Variants in BTN2A1 observed in about 807,000 individuals in gnomAD.
BTN2A1 encodes butyrophilin, subfamily 2, member A1.
BTN2A1 carries 41 observed loss-of-function variants against 34.5 expected under a neutral mutation model. The ratio of observed to expected loss-of-function variants is 1.19; its 90% CI spans 0.93 to 1.54. The LOEUF (loss-of-function observed/expected upper bound fraction) is 1.54, where lower values mean the gene tolerates loss of function less well. Ranked by LOEUF, BTN2A1 falls within the 40% of genes most tolerant of loss-of-function variation. The pLI, the probability that BTN2A1 is intolerant of heterozygous loss-of-function variation, is 0.00. For missense variants in BTN2A1, 642 were observed against 662.0 expected, an observed-to-expected ratio of 0.97 and a Z score of 0.33; for synonymous variants, 267 against 258.6, an observed-to-expected ratio of 1.03 and a Z score of -0.31.
At chr6:26,462,313 T>A (rs1339468172) in intron 3 of BTN2A1, among the ~76,000 whole-genome samples, 1 of 152,164 alleles carries the variant, frequency 6.6e-6, no homozygotes, top group Admixed American at 6.5e-5. Flanking sequence ...GGTATGGTTA[T>A]CTTAGTCCCT....
downstream of BTN2A1, among the ~76,000 whole-genome samples, chr6:26,471,906 T>C (rs1449102178): frequency 6.6e-6 from 1 of 152,220 alleles, no homozygotes; most frequent in Non-Finnish European, 1.5e-5. Flanking sequence ...CATACTCAAC[T>C]TTCCTATATG....
rs754175151 is a variant in BTN2A1 at position 26,463,326 on chromosome 6, C to T, written c.513C>T (p.Tyr171=). Residue 171 remains tyrosine (Y), a synonymous_variant, in exon 4 of 8, where the codon TAC becomes TAT. Transcript: ENST00000312541. ...IRLECISRGW[Y]PKPLTVWRDP... ...TGGAGTGCATATCTAGAGGGTGGTA[C>T]CCAAAGCCCCTCACAGTGTGGAGGG... The T allele has an allele frequency of 3.1e-6, 5 of 1,613,762 alleles. No individual in the cohort carries two copies. The African/African-American group carries it at 5.3e-5, about 17-fold the overall frequency.
intron 3 of BTN2A1, 77 bp downstream of exon 3, chr6:26,459,905 A>G (rs944214165): frequency 2.5e-6 from 3 of 1,187,328 alleles, no homozygotes; most frequent in Admixed American, 2.7e-5. Flanking sequence ...CCTCAGGCCC[A>G]TTGCAGACCA....
downstream of BTN2A1, among the ~76,000 whole-genome samples, chr6:26,473,998 C>A (rs915550406): frequency 6.6e-6 from 1 of 152,238 alleles, no homozygotes; most frequent in South Asian, 2.1e-4. Flanking sequence ...ACCGAGTGTA[C>A]AGCACATGCT....
intron 4 of BTN2A1, 58 bp downstream of exon 4, chr6:26,463,583 T>TG (rs890529838): frequency 3.5e-5 from 55 of 1,560,450 alleles, no homozygotes; most frequent in Non-Finnish European, 4.4e-5. Flanking sequence ...AGCACACAGA[T>TG]GGAGCCCAGA....
chr6:26,462,805 G>T, intron 3 of BTN2A1: 1 of 1,286,832 alleles, frequency 7.8e-7, no homozygotes, highest in Non-Finnish European at 1.0e-6. Context: ...AGAGCTTCTG[G>T]AAGCTGAGGT....
chr6:26,465,433 A>G (rs1370605737), intron 5 of BTN2A1, 27 bp downstream of exon 5: 5 of 1,607,352 alleles, frequency 3.1e-6, no homozygotes, highest in East Asian at 2.2e-5. Flanking sequence ...ATGGTGGCTC[A>G]TGGCTTGAAT....
downstream of BTN2A1, among the ~76,000 whole-genome samples, chr6:26,473,511 C>G (rs1450913919): frequency 6.6e-6 from 1 of 152,068 alleles, no homozygotes; most frequent in Non-Finnish European, 1.5e-5. Context: ...AAAATAGATG[C>G]AATAGATCTA....
intron 7 of BTN2A1, among the ~76,000 whole-genome samples, chr6:26,474,757 CTT>C (rs11445433): frequency 4.2e-5 from 6 of 142,416 alleles, no homozygotes; most frequent in Non-Finnish European, 7.6e-5. Context: ...GCAAAGACTC[CTT>C]TTTTTTTTTT....
downstream of BTN2A1, among the ~76,000 whole-genome samples, chr6:26,473,179 G>T (rs1477307152): frequency 6.6e-6 from 1 of 152,118 alleles, no homozygotes; most frequent in Non-Finnish European, 1.5e-5. Context: ...GGGACCCATT[G>T]CTACCTGCCT....
At chr6:26,470,352 AAAG>A (rs1307422318), downstream of BTN2A1, among the ~76,000 whole-genome samples, 1 of 152,018 alleles carries the variant, frequency 6.6e-6, no homozygotes, top group Non-Finnish European at 1.5e-5. Context: ...CGTCTCAAAC[AAAG>A]AGGGGGAGGG....
chr6:26,463,590 C>T (rs1763232518), intron 4 of BTN2A1, 65 bp downstream of exon 4: 2 of 1,546,788 alleles, frequency 1.3e-6, no homozygotes, highest in African/African-American at 2.7e-5. Context: ...AGATGGAGCC[C>T]AGAACGGGGA....
In BTN2A1 at chr6:26,459,491, TGTC is replaced by T; in HGVS notation, c.96_98del (p.Val33del). On this transcript the variant is annotated inframe_deletion, in exon 3 of 8. Coordinates refer to ENST00000312541, the MANE Select transcript of BTN2A1 (RefSeq NM_007049.5). ...CCCTTTGTTGAACAGCCCAGTTTAT[TGTC>T]GTGGGGCCCACTGATCCCATCTTGG... 1 of 1,613,768 alleles carries T rather than the reference TGTC, an allele frequency of 6.2e-7. No individual in the cohort carries two copies. Among genetic ancestry groups the T allele is most frequent in the South Asian group, 1.1e-5 (1 of 91,056 alleles).
intron 7 of BTN2A1, 63 bp downstream of exon 7, chr6:26,466,151 C>A: frequency 6.2e-7 from 1 of 1,612,126 alleles, no homozygotes. Context: ...TAACAGGACT[C>A]CTTAGAGGAG....
chr6:26,463,561 T>G (rs1285608936), intron 4 of BTN2A1, 36 bp downstream of exon 4: 9 of 1,590,810 alleles, frequency 5.7e-6, no homozygotes, highest in Non-Finnish European at 7.7e-6. Context: ...GTCGAGTGCA[T>G]GGGGGATCCT....
At chr6:26,461,787 AT>A in intron 3 of BTN2A1, among the ~76,000 whole-genome samples, 1 of 36,014 alleles carries the variant, frequency 2.8e-5, no homozygotes, top group Non-Finnish European at 5.2e-5. Context: ...TGTCTAAAAA[AT>A]AAATCAATAA....
At chr6:26,470,380 A>ATC (rs1554137348), downstream of BTN2A1, among the ~76,000 whole-genome samples, 2 of 141,716 alleles carry the variant, frequency 1.4e-5, no homozygotes, top group African/African-American at 5.3e-5. Context: ...TATGTCAGAG[A>ATC]CCCCCCCCAC....
Position 26,469,071 on chromosome 6 carries a change from A to G in BTN2A1, c.*522A>G. On this transcript the variant is annotated 3_prime_UTR_variant, in exon 8 of 8. Transcript: ENST00000312541. ...GTTGTAAGGGTGGCTAAGTCCCACC[A>G]TAACAGCTAAGGGGACCTGGGAGAT... 2.6e-6 allele frequency: 3 copies of G among 1,139,452 alleles called. No individual in the cohort carries two copies. The highest frequency in any genetic ancestry group is 2.2e-6 in the Non-Finnish European group (2 of 917,360). 70.6% of individuals were successfully genotyped at this position (1,139,452 alleles called of 1,614,324 possible).
intron 4 of BTN2A1, 97 bp from the exon 5 acceptor site, chr6:26,465,088 C>A: frequency 3.1e-6 from 3 of 966,144 alleles, no homozygotes; most frequent in Non-Finnish European, 3.2e-6. Flanking sequence ...AGCAGGAGAG[C>A]AGGTGGCTGA....
Sources: allele counts gnomAD v4.1 joint callset (sites outside exome capture counted in the v4.1 genomes callset), GRCh38; gene constraint gnomAD v4.1.1; transcripts MANE v1.5; gene names NCBI Gene and HGNC (gene_info 2026-07-23, HGNC 2026-07-21).